The following LRRC28 variants were observed in gnomAD, a reference collection of about 807,000 sequenced individuals.
The protein encoded by LRRC28 is leucine rich repeat containing 28.
A neutral mutation model predicts 45.7 loss-of-function variants in LRRC28; 39 were observed. The observed-to-expected ratio is 0.85, with a 90% CI of 0.66 to 1.12. The LOEUF (loss-of-function observed/expected upper bound fraction) is 1.12. Ranked by LOEUF, LRRC28 falls within the 50% of genes most tolerant of loss-of-function variation. The probability of loss-of-function intolerance (pLI) is 0.00; values close to 1 mark genes in which losing one functional copy is unlikely to be tolerated. For synonymous variants in LRRC28, 206 were observed against 178.8 expected, an observed-to-expected ratio of 1.15 and a Z score of -1.22; for missense variants, 435 against 438.5, an observed-to-expected ratio of 0.99 and a Z score of 0.07.
chr15:99,287,569 A>G (rs2081992507), intron 4 of LRRC28, among the ~76,000 whole-genome samples: 1 of 152,178 alleles, frequency 6.6e-6, no homozygotes, highest in Admixed American at 6.5e-5. Context: ...AGCCCTGTGT[A>G]TCATTTCTTG....
chr15:99,352,504 T>C (rs774589060), intron 7 of LRRC28, 33 bp downstream of exon 7: 1 of 1,520,102 alleles, frequency 6.6e-7, no homozygotes, highest in Admixed American at 1.7e-5. Context: ...AACTAAAAAA[T>C]AGATTAACTA....
chr15:99,254,262 A>C (rs2080950705), intron 1 of LRRC28, among the ~76,000 whole-genome samples: 1 of 152,238 alleles, frequency 6.6e-6, no homozygotes, highest in Non-Finnish European at 1.5e-5. Context: ...AATGTGGGAA[A>C]GTATTGGATC....
chr15:99,355,378 T>C (rs1957016591), intron 7 of LRRC28: 1 of 152,214 alleles, frequency 6.6e-6, no homozygotes, highest in South Asian at 2.1e-4. Flanking sequence ...CACACTGTTG[T>C]TTCTGTTATA....
chr15:99,333,839 G>C, intron 5 of LRRC28, 84 bp from the exon 6 acceptor site: 1 of 1,373,346 alleles, frequency 7.3e-7, no homozygotes, highest in East Asian at 2.4e-5. Flanking sequence ...GATTTCATTT[G>C]GTTAAACTGT....
At position 99,302,290 on chromosome 15, in the gene LRRC28, G is replaced by T. The variant is rs143705880; in HGVS notation, c.385+14339G>T. On this transcript the variant is annotated intron_variant, in intron 5 of 9. Coordinates refer to ENST00000301981, the MANE Select transcript of LRRC28 (RefSeq NM_144598.5). ...GATCTGCCCGCCTCGGCCTCCCAAAGTGCTGGGATTACAGGCTTGAGCCAC... is the reference window on the plus strand; with the variant it reads ...GATCTGCCCGCCTCGGCCTCCCAAATTGCTGGGATTACAGGCTTGAGCCAC... Among the ~76,000 whole-genome samples the T allele has an allele frequency of 6.3e-3, 962 of 152,270 alleles. 14 individuals are homozygous for T. Among genetic ancestry groups the T allele is most frequent in the African/African-American group, 0.022 (902 of 41,542 alleles).
intron 5 of LRRC28, among the ~76,000 whole-genome samples, chr15:99,328,590 G>A (rs117903541): frequency 0.016 from 2,381 of 151,298 alleles, 34 homozygotes; most frequent in Middle Eastern, 0.041. Flanking sequence ...ACTTGATAAA[G>A]CATTATTTTG....
intron 3 of LRRC28, among the ~76,000 whole-genome samples, chr15:99,279,377 A>C (rs527800390): frequency 1.2e-4 from 18 of 152,302 alleles, no homozygotes; most frequent in Admixed American, 2.6e-4. Context: ...GTTGTTTGTT[A>C]CAACTGTTTC....
intron 8 of LRRC28, among the ~76,000 whole-genome samples, chr15:99,362,692 A>T (rs1047084601): frequency 3.3e-5 from 5 of 152,192 alleles, no homozygotes; most frequent in African/African-American, 9.7e-5. Context: ...GAGGATTGAT[A>T]CTAAATGCCT....
chr15:99,342,022 G>A (rs1193068670), intron 6 of LRRC28, among the ~76,000 whole-genome samples: 1 of 152,190 alleles, frequency 6.6e-6, no homozygotes, highest in Non-Finnish European at 1.5e-5. Context: ...AGCAGCCATG[G>A]CAGTGTTGTA....
chr15:99,265,641 A>T (rs564131877), intron 2 of LRRC28, among the ~76,000 whole-genome samples: 1 of 152,142 alleles, frequency 6.6e-6, no homozygotes, highest in Non-Finnish European at 1.5e-5. Context: ...CTAAAACTCT[A>T]AAGTTCCTCA....
chr15:99,312,265 G>A lies in LRRC28; in HGVS notation c.386-21658G>A, dbSNP rs1390867933. On this transcript the variant is annotated intron_variant, in intron 5 of 9. Coordinates refer to ENST00000301981, the MANE Select transcript of LRRC28 (RefSeq NM_144598.5). ...TGCTCCTAGGCTACAAACCTGTGCA[G>A]CATGGTACTATACTGAATACTATAG... Among the ~76,000 whole-genome samples, 2 of 152,208 alleles carry A rather than the reference G, an allele frequency of 1.3e-5. 1 individual carries two copies. The highest frequency in any genetic ancestry group is 4.1e-4 in the South Asian group (2 of 4,830).
intron 7 of LRRC28, among the ~76,000 whole-genome samples, chr15:99,357,985 C>T (rs1486749120): frequency 6.6e-6 from 1 of 151,934 alleles, no homozygotes; most frequent in Non-Finnish European, 1.5e-5. Flanking sequence ...AGGAAATAGA[C>T]ATTATAAATA....
intron 3 of LRRC28, among the ~76,000 whole-genome samples, chr15:99,276,922 A>G (rs546307529): frequency 3.3e-5 from 5 of 152,152 alleles, no homozygotes; most frequent in East Asian, 1.9e-4. Context: ...GGGAAAATCT[A>G]TTATTGTTAT....
intron 9 of LRRC28, 76 bp downstream of exon 9, chr15:99,363,341 T>G: frequency 6.5e-7 from 1 of 1,530,030 alleles, no homozygotes; most frequent in Non-Finnish European, 8.9e-7. Context: ...AGGCTGTGCA[T>G]GAAAGCATTA....
intron 5 of LRRC28, among the ~76,000 whole-genome samples, chr15:99,288,156 A>T (rs756248736): frequency 6.6e-6 from 1 of 152,240 alleles, no homozygotes; most frequent in Non-Finnish European, 1.5e-5. Context: ...TATATTTTAG[A>T]TATAGCTACA....
At chr15:99,299,990 C>G (rs973765928) in intron 5 of LRRC28, among the ~76,000 whole-genome samples, 8 of 152,202 alleles carry the variant, frequency 5.3e-5, no homozygotes, top group Admixed American at 3.3e-4. Context: ...GCTGACATCT[C>G]TGCTCCTGAC....
intron 1 of LRRC28, chr15:99,251,988 A>G (rs1346414855): frequency 6.6e-6 from 1 of 152,228 alleles, no homozygotes; most frequent in Non-Finnish European, 1.5e-5. Context: ...CGGGGAGGTC[A>G]GTATAAGGGA....
chr15:99,382,115 C>G (rs1957846171), intron 9 of LRRC28, among the ~76,000 whole-genome samples: 1 of 152,234 alleles, frequency 6.6e-6, no homozygotes, highest in Non-Finnish European at 1.5e-5. Flanking sequence ...TTTGGCTATG[C>G]CCTGCCCCGA....
At chr15:99,273,901 G>C (rs138171842) in intron 2 of LRRC28, among the ~76,000 whole-genome samples, 1 of 152,312 alleles carries the variant, frequency 6.6e-6, no homozygotes, top group East Asian at 1.9e-4. Context: ...TATAGGAACA[G>C]CTATAATTAA....
Sources: gnomAD v4.1 joint callset for allele counts (sites outside exome capture counted in the v4.1 genomes callset) on GRCh38, gnomAD v4.1.1 for gene constraint, MANE v1.5 for transcripts, NCBI Gene and HGNC (gene_info 2026-07-23, HGNC 2026-07-21) for gene names.